TECPR2: variants seen among roughly 807,000 people sequenced by gnomAD.
The protein encoded by TECPR2 is tectonin beta-propeller repeat containing 2, also known as tectonin beta-propeller repeat-containing protein 2.
TECPR2 carries 65 observed loss-of-function variants against 138.1 expected under a neutral mutation model. The ratio of observed to expected loss-of-function variants is 0.47; its 90% CI spans 0.39 to 0.58. The LOEUF (loss-of-function observed/expected upper bound fraction) is 0.58. Among genes scored for constraint, TECPR2 ranks in the 20% least tolerant of loss-of-function variants. The probability of loss-of-function intolerance (pLI) is 0.00; values close to 1 mark genes in which losing one functional copy is unlikely to be tolerated. For synonymous variants in TECPR2, 746 were observed against 749.8 expected (o/e 0.99, Z 0.08); for missense variants, 1,553 against 1,824.5 (o/e 0.85, Z 2.71).
intron 16 of TECPR2, among the ~76,000 whole-genome samples, chr14:102,464,918 G>A (rs1215404576): frequency 6.6e-6 from 1 of 152,182 alleles, no homozygotes; most frequent in African/African-American, 2.4e-5. Context: ...AGTGGCCAGA[G>A]GCCATTATTA....
intron 1 of TECPR2, among the ~76,000 whole-genome samples, chr14:102,370,011 C>T (rs945464923): frequency 3.3e-5 from 5 of 152,006 alleles, no homozygotes; most frequent in African/African-American, 4.8e-5. Context: ...AAGTGATCTG[C>T]CCACCTCAAC....
chr14:102,457,869 C>CTTTTTTTTTTTTTTTTTTTTT (rs748372168), intron 16 of TECPR2, among the ~76,000 whole-genome samples: 9 of 102,746 alleles, frequency 8.8e-5, no homozygotes, highest in Non-Finnish European at 1.3e-4. Flanking sequence ...ACTAAATTCC[C>CTTTTTTTTTTTTTTTTTTTTT]TTTTTTTTTT....
intron 17 of TECPR2, among the ~76,000 whole-genome samples, chr14:102,483,969 A>G (rs75958211): frequency 0.58 from 44,036 of 76,040 alleles, 14,627 homozygotes; most frequent in African/African-American, 0.68. Context: ...GCTGATTCTT[A>G]TATTTTCAGT....
intron 16 of TECPR2, among the ~76,000 whole-genome samples, chr14:102,454,181 G>C (rs1419424952): frequency 2.6e-5 from 4 of 151,906 alleles, no homozygotes; most frequent in Admixed American, 2.0e-4. Context: ...AAGAAAGCAG[G>C]AAGAGAAGGG....
intron 17 of TECPR2, among the ~76,000 whole-genome samples, chr14:102,479,294 G>A (rs1486134874): frequency 1.3e-5 from 2 of 152,152 alleles, no homozygotes; most frequent in East Asian, 3.9e-4. Flanking sequence ...CTGCTGCCTT[G>A]GGAGGACTGT....
intron 17 of TECPR2, among the ~76,000 whole-genome samples, chr14:102,466,379 G>A (rs985132791): frequency 6.6e-6 from 1 of 152,296 alleles, no homozygotes; most frequent in Admixed American, 6.5e-5. Context: ...CAAACATGAG[G>A]TTGTACATAA....
chr14:102,440,482 T>C lies in TECPR2; in HGVS notation c.2625T>C (p.Ala875=), dbSNP rs779230418. ...KIEQKSNRAF[A]CGKVTIKGKR... Reference sequence around the variant, plus strand: ...AACAGAAATCTAACCGGGCTTTTGCTTGTGGGAAAGTCACCATCAAGGGGA... The same window carrying C: ...AACAGAAATCTAACCGGGCTTTTGCCTGTGGGAAAGTCACCATCAAGGGGA... Residue 875 remains alanine, a synonymous_variant, in exon 11 of 20, where the codon GCT becomes GCC. Coordinates refer to ENST00000359520, the MANE Select transcript of TECPR2 (RefSeq NM_014844.5). 44 of 1,614,120 alleles carry C rather than the reference T, an allele frequency of 2.7e-5. No homozygotes were observed. The highest frequency in any genetic ancestry group is 3.6e-5 in the Non-Finnish European group (43 of 1,180,052).
intron 10 of TECPR2, among the ~76,000 whole-genome samples, chr14:102,438,848 TTTC>T: frequency 6.6e-6 from 1 of 151,068 alleles, no homozygotes; most frequent in South Asian, 2.1e-4. Context: ...TTGCTTGCTT[TTTC>T]TTTCTTTCTT....
Position 102,441,944 on chromosome 14 carries a change from C to T in TECPR2, c.2752+1335C>T, listed in dbSNP as rs1054328090. On this transcript the variant is annotated intron_variant, in intron 11 of 19. Coordinates refer to ENST00000359520, the MANE Select transcript of TECPR2 (RefSeq NM_014844.5). The stretch of plus-strand genomic sequence containing the variant: ...ACGTTGGATTTATGTAAAGATCAGT[C>T]TTCCAGGCGTTTAATGTTGTTGATT... Among the ~76,000 whole-genome samples, 4 of 152,156 alleles carry T rather than the reference C, an allele frequency of 2.6e-5. No homozygotes were observed. The East Asian group carries it at 7.7e-4, about 29-fold the overall frequency.
intron 9 of TECPR2, among the ~76,000 whole-genome samples, chr14:102,436,505 A>G (rs1887933979): frequency 6.6e-6 from 1 of 151,876 alleles, no homozygotes. Flanking sequence ...TTTTTTGTAG[A>G]GAAGGGGTTT....
chr14:102,434,830 A>G lies in TECPR2; in HGVS notation c.2013A>G (p.Glu671=), dbSNP rs1392555717. The change falls in exon 9 of 20, where the codon GAA becomes GAG. Residue 671 remains glutamate (E), a synonymous_variant. Coordinates refer to ENST00000359520, the MANE Select transcript of TECPR2 (RefSeq NM_014844.5). The part of the protein sequence containing the change: ...EQWLPGTRAD[E]GSPVEPSQEQ... ...GGCTGCCTGGGACCAGAGCTGATGA[A>G]GGCAGCCCCGTGGAGCCCAGCCAAG... 5 of 1,613,418 alleles carry G rather than the reference A, an allele frequency of 3.1e-6. No homozygotes were observed. Among genetic ancestry groups the G allele is most frequent in the Non-Finnish European group, 4.2e-6 (5 of 1,180,026 alleles).
At chr14:102,395,909 C>T (rs1179157038) in intron 2 of TECPR2, among the ~76,000 whole-genome samples, 3 of 152,218 alleles carry the variant, frequency 2.0e-5, no homozygotes, top group Middle Eastern at 3.4e-3. Flanking sequence ...CATATTTAGA[C>T]GCATCATCTT....
chr14:102,366,114 A>G (rs1489200292), intron 1 of TECPR2, among the ~76,000 whole-genome samples: 1 of 152,170 alleles, frequency 6.6e-6, no homozygotes, highest in African/African-American at 2.4e-5. Context: ...AGCGAAGTGG[A>G]TGACTTAGAC....
At chr14:102,422,521 G>A (rs1052286542) in intron 5 of TECPR2, among the ~76,000 whole-genome samples, 1 of 152,026 alleles carries the variant, frequency 6.6e-6, no homozygotes, top group Non-Finnish European at 1.5e-5. Context: ...TTATCAAGAA[G>A]GATAAATCTG....
chr14:102,380,561 C>T (rs191701872), intron 2 of TECPR2, among the ~76,000 whole-genome samples: 25 of 152,342 alleles, frequency 1.6e-4, no homozygotes, highest in African/African-American at 5.1e-4. Context: ...TACCTGGTCC[C>T]TCCTACGACA....
intron 1 of TECPR2, among the ~76,000 whole-genome samples, chr14:102,369,818 C>T (rs772205127): frequency 2.0e-5 from 3 of 151,752 alleles, no homozygotes; most frequent in Non-Finnish European, 2.9e-5. Context: ...ATTAGCCAGG[C>T]GTGGTGGCAG....
At chr14:102,383,385 A>G (rs1397129882) in intron 2 of TECPR2, among the ~76,000 whole-genome samples, 1 of 151,012 alleles carries the variant, frequency 6.6e-6, no homozygotes, top group Non-Finnish European at 1.5e-5. Context: ...CTCATTGATC[A>G]CCATTGTATT....
Position 102,482,703 on chromosome 14 carries a change from C to CTT in TECPR2, c.3790-14274_3790-14273dup, listed in dbSNP as rs542216771. The stretch of plus-strand genomic sequence containing the variant: ...TGGAGGTATTGCATGTCTGAAAAGT[C>CTT]TTTCATCTGTGTTCACCCTTGACCT... On this transcript the variant is annotated intron_variant, in intron 17 of 19. Coordinates refer to ENST00000359520, the MANE Select transcript of TECPR2 (RefSeq NM_014844.5). Among the ~76,000 whole-genome samples the CTT allele has an allele frequency of 3.9e-5, 6 of 152,256 alleles. No homozygotes were observed. In the East Asian group the frequency reaches 1.2e-3, roughly 29 times the overall value.
At chr14:102,496,301 C>T (rs775949207) in intron 17 of TECPR2, among the ~76,000 whole-genome samples, 2 of 152,100 alleles carry the variant, frequency 1.3e-5, no homozygotes, top group South Asian at 2.1e-4. Context: ...GCTGTGCTCG[C>T]GGGCATGGAG....
Sources: allele counts gnomAD v4.1 joint callset (sites outside exome capture counted in the v4.1 genomes callset), GRCh38; gene constraint gnomAD v4.1.1; transcripts MANE v1.5; gene names NCBI Gene and HGNC (gene_info 2026-07-23, HGNC 2026-07-21).